The following DIS3 variants were observed in gnomAD, a reference collection of about 807,000 sequenced individuals.
DIS3 encodes exosome complex exonuclease RRP44.
In DIS3, 103 loss-of-function variants were observed where a neutral mutation model predicts 113.0. The observed-to-expected ratio is 0.91, with a 90% CI of 0.78 to 1.07. The LOEUF (loss-of-function observed/expected upper bound fraction) is 1.07. Ranked by LOEUF, DIS3 falls within the 50% of genes least tolerant of loss-of-function variation. The probability of loss-of-function intolerance (pLI) is 0.00; values close to 1 mark genes in which losing one functional copy is unlikely to be tolerated. For missense variants in DIS3, 1,121 were observed against 1,167.1 expected, an observed-to-expected ratio of 0.96 and a Z score of 0.58; for synonymous variants, 402 against 394.3, an observed-to-expected ratio of 1.02 and a Z score of -0.23.
Position 72,775,227 on chromosome 13 carries a change from T to C in DIS3, c.971A>G (p.Glu324Gly), listed in dbSNP as rs760292076. The change falls in exon 6 of 21, where the codon GAA (glutamate) becomes GGA (glycine). Residue 324 changes from glutamate to glycine, a missense_variant. By Grantham distance (98) the Glu-to-Gly change is moderately conservative (BLOSUM62 -2). Transcript: ENST00000377767. ...GQNEEDVEKE[E>G]ETERMLKTAV... ...GATTCATACCATTCGTTCTGTCTCT[T>C]CTTCTTTCTCCACATCTTCTTCATT... 12 of 1,613,068 alleles carry C rather than the reference T, an allele frequency of 7.4e-6. No individual in the cohort carries two copies. The highest frequency in any genetic ancestry group is 1.0e-5 in the Non-Finnish European group (12 of 1,179,524).
At chr13:72,779,847 T>C (rs1282480039) in intron 2 of DIS3, among the ~76,000 whole-genome samples, 1 of 152,048 alleles carries the variant, frequency 6.6e-6, no homozygotes, top group African/African-American at 2.4e-5. Flanking sequence ...TAAAACAGCC[T>C]TTCCACCACA....
chr13:72,772,380 C>T (rs560602265), intron 9 of DIS3, 105 bp from the exon 10 acceptor site: 4 of 886,860 alleles, frequency 4.5e-6, no homozygotes, highest in Non-Finnish European at 6.8e-6. Flanking sequence ...AACAATTTAG[C>T]TGTATTTTCT....
In DIS3 at chr13:72,773,841, A is replaced by G. The variant is rs760969843; in HGVS notation, c.1102-20T>C. ...TCTTGACTAGCAAAAATTAGGAATA[A>G]AGATTTTACACAAAAAAAATCTGAG... On this transcript the variant is annotated intron_variant, in intron 7 of 20. Transcript: ENST00000377767. The G allele has an allele frequency of 6.2e-7, 1 of 1,600,538 alleles. No individual in the cohort carries two copies. Among genetic ancestry groups the G allele is most frequent in the East Asian group, 2.2e-5 (1 of 44,804 alleles).
In DIS3 at chr13:72,759,773, T is replaced by C. The variant is rs763172124; in HGVS notation, c.*22A>G. On this transcript the variant is annotated 3_prime_UTR_variant, in exon 21 of 21. Coordinates refer to ENST00000377767, the MANE Select transcript of DIS3 (RefSeq NM_014953.5). ...TTCTTTTAAAAAAGAAACCAGTCTT[T>C]GAAGATTTTTGTTGAATATAGCTAT... 16 of 1,595,130 alleles carry C rather than the reference T, an allele frequency of 1.0e-5. No individual in the cohort carries two copies. Among genetic ancestry groups the C allele is most frequent in the Non-Finnish European group, 1.4e-5 (16 of 1,168,132 alleles).
chr13:72,778,445 A>C, intron 2 of DIS3, 65 bp from the exon 3 acceptor site: 1 of 1,362,578 alleles, frequency 7.3e-7, no homozygotes, highest in Admixed American at 2.2e-5. Flanking sequence ...GAAAACTCTT[A>C]GCACATAAAT....
chr13:72,778,080 G>C (rs2034062995), intron 3 of DIS3, 107 bp downstream of exon 3: 5 of 980,908 alleles, frequency 5.1e-6, no homozygotes, highest in Non-Finnish European at 5.7e-6. Flanking sequence ...AGTTATATAG[G>C]ACTACGAAAA....
intron 20 of DIS3, 59 bp from the exon 21 acceptor site, chr13:72,759,937 C>A: frequency 7.4e-7 from 1 of 1,342,508 alleles, no homozygotes; most frequent in Non-Finnish European, 1.1e-6. Context: ...ACATCTCAAC[C>A]TCATCCTCCC....
Position 72,756,155 on chromosome 13 carries a change from A to G in DIS3, c.*3640T>C, listed in dbSNP as rs1324674402. On this transcript the variant is annotated 3_prime_UTR_variant, in exon 21 of 21. Transcript: ENST00000377767. Reference sequence around the variant, plus strand: ...TTTGTATTTATAAATCAACTTTTAAAAACTGTCTCATTCAAAAGGGAATAA... The same window carrying G: ...TTTGTATTTATAAATCAACTTTTAAGAACTGTCTCATTCAAAAGGGAATAA... 1.3e-5 allele frequency: 5 copies of G among 392,932 alleles called. No homozygotes were observed. Among genetic ancestry groups the G allele is most frequent in the Non-Finnish European group, 1.8e-5 (4 of 223,074 alleles). 24.3% of individuals were successfully genotyped at this position (392,932 alleles called of 1,614,324 possible).
chr13:72,772,877 T>G, intron 8 of DIS3, 38 bp from the exon 9 acceptor site: 1 of 1,547,526 alleles, frequency 6.5e-7, no homozygotes, highest in Non-Finnish European at 8.7e-7. Context: ...GCCTATTTTA[T>G]AGCAAATTTA....
chr13:72,775,194 C>T lies in DIS3; in HGVS notation c.987+17G>A, dbSNP rs201820348. 3 of 1,584,050 alleles carry T rather than the reference C, an allele frequency of 1.9e-6. No homozygotes were observed. The highest frequency in any genetic ancestry group is 2.6e-6 in the Non-Finnish European group (3 of 1,167,268). ...CAAAGCTACACAGACAAAAAAAAAT[C>T]CTGCTTAGATTCATACCATTCGTTC... On this transcript the variant is annotated intron_variant, in intron 6 of 20. Transcript: ENST00000377767.
rs1555273814 is a variant in DIS3 at position 72,756,175 on chromosome 13, G to GAGTAATTCATATGTACCCTTAGGA, written c.*3619_*3620insTCCTAAGGGTACATATGAATTACT. ...TTTAAAAACTGTCTCATTCAAAAGG[G>GAGTAATTCATATGTACCCTTAGGA]AATAAAGACCTGTGTTATCAATGTG... On this transcript the variant is annotated 3_prime_UTR_variant, in exon 21 of 21. Coordinates refer to ENST00000377767, the MANE Select transcript of DIS3 (RefSeq NM_014953.5). 5 of 375,404 alleles carry GAGTAATTCATATGTACCCTTAGGA rather than the reference G, an allele frequency of 1.3e-5. No individual in the cohort carries two copies. Among genetic ancestry groups the GAGTAATTCATATGTACCCTTAGGA allele is most frequent in the African/African-American group, 8.3e-5 (4 of 48,060 alleles). 23.3% of individuals were successfully genotyped at this position (375,404 alleles called of 1,614,324 possible). A position where few individuals can be genotyped will look rare whatever the true frequency, so the allele number is the denominator to read the frequency against.
intron 14 of DIS3, among the ~76,000 whole-genome samples, chr13:72,767,702 T>C (rs2033785829): frequency 6.6e-6 from 1 of 152,250 alleles, no homozygotes; most frequent in Non-Finnish European, 1.5e-5. Flanking sequence ...ACTTGAAATA[T>C]GGCTAGTAAG....
chr13:72,781,063 T>C, intron 1 of DIS3, 60 bp from the exon 2 acceptor site: 5 of 1,512,038 alleles, frequency 3.3e-6, no homozygotes, highest in African/African-American at 1.4e-5. Flanking sequence ...CTGTCAAACA[T>C]AAAATCCTGT....
At chr13:72,764,695 T>C (rs1315592234) in intron 15 of DIS3, among the ~76,000 whole-genome samples, 1 of 152,208 alleles carries the variant, frequency 6.6e-6, no homozygotes, top group East Asian at 1.9e-4. Flanking sequence ...GAACACATAT[T>C]ATTAACCTTC....
intron 1 of DIS3, 77 bp from the exon 2 acceptor site, chr13:72,781,080 T>C (rs1262841294): frequency 7.5e-6 from 11 of 1,457,632 alleles, no homozygotes; most frequent in Non-Finnish European, 1.0e-5. Context: ...CTGTTTTATG[T>C]TGGGCATAAA....
chr13:72,775,899 T>A, intron 5 of DIS3, 26 bp downstream of exon 5: 1 of 1,549,480 alleles, frequency 6.5e-7, no homozygotes, highest in Non-Finnish European at 8.8e-7. Context: ...TATTTTAGTG[T>A]ATAAGGAATT....
rs2034236233 is a variant in DIS3 at position 72,781,675 on chromosome 13, T to TG, written c.157dup (p.Gln53ProfsTer19). The TG allele has an allele frequency of 6.4e-7, 1 of 1,551,702 alleles. No homozygotes were observed. The highest frequency in any genetic ancestry group is 1.4e-5 in the African/African-American group (1 of 73,244). Reference sequence around the variant, plus strand: ...CGGGCAGACGCTGCTCGCCGGGTCCTGGGGCTGCGGCTCCAGGGCCGGCCC... The same window carrying TG: ...CGGGCAGACGCTGCTCGCCGGGTCCTGGGGGCTGCGGCTCCAGGGCCGGCCC... On this transcript the variant is annotated frameshift_variant, in exon 1 of 21. Transcript: ENST00000377767. LOFTEE classifies it high-confidence loss of function.
intron 3 of DIS3, 21 bp from the exon 4 acceptor site, chr13:72,777,514 T>C (rs2034045232): frequency 6.2e-7 from 1 of 1,608,668 alleles, no homozygotes; most frequent in African/African-American, 1.3e-5. Flanking sequence ...AAGTTTATGT[T>C]GTTTTTGATA....
At chr13:72,760,822 C>G (rs2033604945) in intron 19 of DIS3, among the ~76,000 whole-genome samples, 171 bp from the exon 20 acceptor site, 1 of 152,002 alleles carries the variant, frequency 6.6e-6, no homozygotes, top group African/African-American at 2.4e-5. Flanking sequence ...TAAATATGAC[C>G]TACTTATGTG....
Sources: allele counts gnomAD v4.1 joint callset (sites outside exome capture counted in the v4.1 genomes callset), GRCh38; gene constraint gnomAD v4.1.1; transcripts MANE v1.5; gene names NCBI Gene and HGNC (gene_info 2026-07-23, HGNC 2026-07-21).